Variants in MCF2 observed in about 807,000 individuals in gnomAD.
MCF2 encodes the protein MCF.2 cell line derived transforming sequence.
A neutral mutation model predicts 82.5 loss-of-function variants in MCF2; 44 were observed. The ratio of observed to expected loss-of-function variants is 0.53; its 90% confidence interval spans 0.42 to 0.69. MCF2 has a LOEUF of 0.69. MCF2 is among the 30% of genes least tolerant of loss of function. The pLI is 0.00. For synonymous variants in MCF2, 217 were observed against 224.9 expected (o/e 0.96, Z 0.32); for missense variants, 623 against 663.1 (o/e 0.94, Z 0.66).
At chrX:139,612,211 A>G (rs1030873565) in intron 10 of MCF2, among the ~76,000 whole-genome samples, 3 of 111,006 alleles carry the variant, frequency 2.7e-5, no homozygotes, top group African/African-American at 9.8e-5. Flanking sequence ...GGCTTGGGCA[A>G]CTGGGGAAAT....
chrX:139,687,883 G>T (rs916243324), intron 1 of MCF2, among the ~76,000 whole-genome samples: 2 of 111,896 alleles, frequency 1.8e-5, no homozygotes, highest in African/African-American at 6.5e-5. Context: ...ATGTACTAAA[G>T]CTCATATACA....
chrX:139,654,103 A>T (rs1296583718), intron 1 of MCF2, among the ~76,000 whole-genome samples: 1 of 112,081 alleles, frequency 8.9e-6, no homozygotes. Flanking sequence ...TGCAATAAAC[A>T]TGGGAGTGTA....
chrX:139,691,940 G>A, intron 1 of MCF2: 1 of 1,166,550 alleles, frequency 8.6e-7, no homozygotes, highest in Non-Finnish European at 1.1e-6. Flanking sequence ...CTTGCAGGAG[G>A]CAGAGGTAGT....
intron 1 of MCF2, among the ~76,000 whole-genome samples, chrX:139,677,786 C>A (rs1436536225): frequency 8.9e-6 from 1 of 112,024 alleles, no homozygotes; most frequent in Non-Finnish European, 1.9e-5. Context: ...TGGAGGAGCT[C>A]CCCTTCTTGG....
chrX:139,587,637 C>T, intron 22 of MCF2, 79 bp downstream of exon 26: 1 of 657,639 alleles, frequency 1.5e-6, no homozygotes, highest in Non-Finnish European at 2.4e-6. Context: ...GTCAGAGATA[C>T]TTTAATTACA....
chrX:139,689,544 ATC>A (rs1173885500), intron 1 of MCF2, among the ~76,000 whole-genome samples: 5 of 108,376 alleles, frequency 4.6e-5, no homozygotes, highest in Non-Finnish European at 5.7e-5. Flanking sequence ...ACCTCTCCAA[ATC>A]TCTCTCTCTC....
At chrX:139,641,848 G>A (rs775670663) in intron 1 of MCF2, among the ~76,000 whole-genome samples, 1 of 111,365 alleles carries the variant, frequency 9.0e-6, no homozygotes, top group East Asian at 2.8e-4. Context: ...TACCTGAGAG[G>A]AGAGACTTCC....
At position 139,626,757 on chromosome X, in the gene MCF2, C is replaced by A; in HGVS notation, c.439-1G>T. 8.3e-7 allele frequency: 1 copy of A among 1,207,049 alleles called. No individual in the cohort carries two copies. Among genetic ancestry groups the A allele is most frequent in the Non-Finnish European group, 1.1e-6 (1 of 892,039 alleles). On this transcript the variant is annotated splice_acceptor_variant, in intron 4 of 24. Coordinates refer to ENST00000370576, the Ensembl canonical transcript of MCF2. LOFTEE classifies it high-confidence loss of function. Reference sequence around the variant, plus strand: ...CTTTGGTTACAGCTGTAATATCATTCTGTCCAAAGACACAAAAGGAGTATC... The same window carrying A: ...CTTTGGTTACAGCTGTAATATCATTATGTCCAAAGACACAAAAGGAGTATC...
chrX:139,581,888 T>C (rs1928512534), exon 25 of MCF2: 1 of 112,176 alleles, frequency 8.9e-6, no homozygotes, highest in Non-Finnish European at 1.9e-5. Flanking sequence ...AGAAAAAAAG[T>C]GTGAAAATAT....
chrX:139,652,303 T>C (rs1041121388), intron 1 of MCF2, among the ~76,000 whole-genome samples: 2 of 111,697 alleles, frequency 1.8e-5, no homozygotes, highest in African/African-American at 6.5e-5. Context: ...AGACGTGGAT[T>C]CAAATCCAGC....
chrX:139,582,363 AAAC>A lies in MCF2; in HGVS notation c.*105_*107del, dbSNP rs1928545384. On this transcript the variant is annotated 3_prime_UTR_variant, in exon 25 of 25. Transcript: ENST00000370576. ...TTTCTTTGCGTGTCCATTAACCTGA[AAAC>A]AACATCTGCATCATTTGAGCTCAAT... The A allele has an allele frequency of 1.9e-5, 16 of 857,264 alleles. No individual in the cohort carries two copies. In the South Asian group the frequency reaches 3.3e-4, roughly 18 times the overall value. The allele number at this position is 857,264 out of a possible 1,213,427, so 70.6% of individuals were successfully genotyped here.
At chrX:139,602,483 T>A in exon 16 of MCF2, 2 of 1,184,892 alleles carry the variant, frequency 1.7e-6, no homozygotes, top group Non-Finnish European at 1.1e-6. Flanking sequence ...TTTGCATACA[T>A]CTGAAAATCA....
At chrX:139,692,080 C>T in intron 1 of MCF2, 1 of 1,164,947 alleles carries the variant, frequency 8.6e-7, no homozygotes, top group Non-Finnish European at 1.1e-6. Context: ...GGGATCCTGC[C>T]GCAGGACACT....
chrX:139,597,492 A>C (rs970199606), exon 18 of MCF2: 1 of 1,199,784 alleles, frequency 8.3e-7, no homozygotes, highest in Non-Finnish European at 1.1e-6. Context: ...TGATGCATAG[A>C]ATCATTAACT....
At chrX:139,706,062 C>T (rs1173769612) in intron 1 of MCF2, among the ~76,000 whole-genome samples, 2 of 112,483 alleles carry the variant, frequency 1.8e-5, no homozygotes, top group East Asian at 5.6e-4. Context: ...AGTCAAAAAA[C>T]AACAGATGCT....
Position 139,604,874 on chromosome X carries a change from A to G in MCF2, c.1668T>C (p.His556=), listed in dbSNP as rs781646150. The change falls in exon 14 of 25, where the codon CAT becomes CAC. Residue 556 remains histidine, a synonymous_variant. Transcript: ENST00000370576. ...TCAATTCAGCAATTACATACTCGTT[A>G]TGGAATTCATATATTTCTGCCATGT... 5 of 1,156,021 alleles carry G rather than the reference A, an allele frequency of 4.3e-6. No individual in the cohort carries two copies. In the East Asian group the frequency reaches 1.5e-4, roughly 35 times the overall value.
chrX:139,626,781 T>C (rs1408762379), intron 4 of MCF2, 25 bp from the exon 8 acceptor site: 1 of 1,187,134 alleles, frequency 8.4e-7, no homozygotes, highest in Admixed American at 2.2e-5. Flanking sequence ...AAAAGGAGTA[T>C]CACCTAATTA....
chrX:139,645,473 T>C (rs749915313), upstream of MCF2: 15 of 456,371 alleles, frequency 3.3e-5, no homozygotes, highest in Admixed American at 4.0e-4. Flanking sequence ...ATTTTTATTG[T>C]CTCCGTCAGT....
chrX:139,605,864 T>TA, intron 12 of MCF2, 85 bp from the exon 17 acceptor site: 1 of 684,003 alleles, frequency 1.5e-6, no homozygotes, highest in East Asian at 3.5e-5. Flanking sequence ...CATGAGAAGG[T>TA]AAAAATAGCT....
Sources: allele counts gnomAD v4.1 joint callset (sites outside exome capture counted in the v4.1 genomes callset), GRCh38; gene constraint gnomAD v4.1.1; transcripts MANE v1.5; gene names NCBI Gene and HGNC (gene_info 2026-07-23, HGNC 2026-07-21).